Variants in NUP214 observed in about 807,000 individuals in gnomAD.
NUP214 encodes nucleoporin 214.
In NUP214, 79 loss-of-function variants were observed where a neutral mutation model predicts 196.2. The observed-to-expected ratio is 0.40, with a 90% CI of 0.34 to 0.49. The LOEUF (loss-of-function observed/expected upper bound fraction) is 0.49. NUP214 is among the 20% of genes least tolerant of loss of function. The pLI is 0.58. For missense variants in NUP214, 2,468 were observed against 2,539.0 expected (o/e 0.97, Z 0.60); for synonymous variants, 1,020 against 990.5 (o/e 1.03, Z -0.56).
Position 131,195,233 on chromosome 9 carries a change from G to T in NUP214, c.3660G>T (p.Gly1220=). 4 of 1,609,260 alleles carry T rather than the reference G, an allele frequency of 2.5e-6. No individual in the cohort carries two copies. The highest frequency in any genetic ancestry group is 2.5e-6 in the Non-Finnish European group (3 of 1,176,546). The change falls in exon 28 of 36, where the codon GGG becomes GGT. Residue 1220 remains glycine (G), a splice_region_variant and synonymous_variant. Transcript: ENST00000359428. The stretch of plus-strand genomic sequence containing the variant: ...TAATTTCTCTTTTTCCACTTGTTAG[G>T]ACTGGCTTTAATTTTGGGATAATCA... ...FSKPFSFSPS[G]TGFNFGIITP... is the part of the protein sequence containing the mutation.
At position 131,159,467 on chromosome 9, in the gene NUP214, G is replaced by C; in HGVS notation, c.2521G>C (p.Glu841Gln). 1.9e-6 allele frequency: 3 copies of C among 1,613,244 alleles called. No homozygotes were observed. Among genetic ancestry groups the C allele is most frequent in the Non-Finnish European group, 2.5e-6 (3 of 1,179,388 alleles). ...VLDLEWDQHLEQKKKQRHLLV... is the reference protein window; with the variant it reads ...VLDLEWDQHLQQKKKQRHLLV... The stretch of plus-strand genomic sequence containing the variant: ...AGACTTGGAGTGGGATCAGCATCTG[G>C]AACAAAAGAAAAAACAAAGGTGAAT... Residue 841 changes from glutamate to glutamine, a missense_variant, in exon 18 of 36, where the codon GAA becomes CAA. Coordinates refer to ENST00000359428, the MANE Select transcript of NUP214 (RefSeq NM_005085.4).
intron 12 of NUP214, 114 bp downstream of exon 12, chr9:131,144,868 A>T: frequency 2.4e-6 from 2 of 818,106 alleles, no homozygotes; most frequent in Non-Finnish European, 3.8e-6. Context: ...TTTTTTACCC[A>T]GAGTGATACT....
chr9:131,229,194 G>A (rs989793185), intron 33 of NUP214: 1 of 153,534 alleles, frequency 6.5e-6, no homozygotes, highest in African/African-American at 2.4e-5. Flanking sequence ...TCTTTATCTT[G>A]AAAATAAACT....
At chr9:131,137,304 A>T (rs1021074765) in intron 9 of NUP214, among the ~76,000 whole-genome samples, 2 of 152,112 alleles carry the variant, frequency 1.3e-5, no homozygotes, top group African/African-American at 4.8e-5. Flanking sequence ...TCTAGAGGGG[A>T]CTGTTTTTAA....
chr9:131,201,601 ACTCAT>A (rs1164837675), intron 29 of NUP214, 41 bp from the exon 30 acceptor site: 17 of 1,414,782 alleles, frequency 1.2e-5, no homozygotes, highest in South Asian at 2.3e-5. Flanking sequence ...GTTGTAAAAG[ACTCAT>A]CCAATCCAAA....
chr9:131,153,215 A>G (rs1832325887), intron 17 of NUP214: 1 of 152,080 alleles, frequency 6.6e-6, no homozygotes, highest in Non-Finnish European at 1.5e-5. Context: ...GGAAGCGTTC[A>G]CTGGCATCTC....
intron 4 of NUP214, among the ~76,000 whole-genome samples, chr9:131,130,141 T>TTC: frequency 9.7e-6 from 1 of 103,538 alleles, no homozygotes; most frequent in East Asian, 2.9e-4. Context: ...GGTTTTGTTT[T>TTC]TTTTTTTTTG....
At chr9:131,128,574 C>T (rs1831435636) in intron 3 of NUP214, 91 bp downstream of exon 3, 3 of 1,134,194 alleles carry the variant, frequency 2.6e-6, no homozygotes, top group Non-Finnish European at 3.6e-6. Flanking sequence ...ATAGGTTAAC[C>T]CTTGAAGTTT....
In NUP214 at chr9:131,232,443, G is replaced by T. The variant is rs1431160690; in HGVS notation, c.6239+135G>T. On this transcript the variant is annotated intron_variant, in intron 35 of 35. Coordinates refer to ENST00000359428, the MANE Select transcript of NUP214 (RefSeq NM_005085.4). This position sits in a 1 kb window ranked among gnomAD's most constrained non-coding sequence, Gnocchi z 5.1. Reference sequence around the variant, plus strand: ...TAGAGTTTGTCCTGGAAGTGTGGGGGTTCAGCAGCAGGGTTTGGGTTTTGT... The same window carrying T: ...TAGAGTTTGTCCTGGAAGTGTGGGGTTTCAGCAGCAGGGTTTGGGTTTTGT... 1.2e-5 allele frequency: 11 copies of T among 909,672 alleles called. No homozygotes were observed. The highest frequency in any genetic ancestry group is 1.9e-5 in the Admixed American group (1 of 51,494). 56.4% of individuals were successfully genotyped at this position (909,672 alleles called of 1,614,324 possible).
At chr9:131,202,120 CA>C (rs1343840732) in intron 30 of NUP214, among the ~76,000 whole-genome samples, 2 of 152,100 alleles carry the variant, frequency 1.3e-5, no homozygotes, top group Non-Finnish European at 2.9e-5. Flanking sequence ...TGCACCATAA[CA>C]CTCAACTAAT....
At chr9:131,174,409 A>T in intron 22 of NUP214, 91 bp downstream of exon 22, 1 of 1,213,638 alleles carries the variant, frequency 8.2e-7, no homozygotes, top group Non-Finnish European at 1.1e-6. Flanking sequence ...TGTCACACCA[A>T]TATGGTGGTT....
intron 26 of NUP214, chr9:131,190,678 A>G (rs961356659): frequency 1.4e-5 from 7 of 517,274 alleles, no homozygotes; most frequent in African/African-American, 5.9e-5. Context: ...GAAAAAGCCT[A>G]TGGTGTAGAG....
rs572823626 is a variant in NUP214, at chr9:131,170,897, G to A, written c.2894-3158G>A. On this transcript the variant is annotated intron_variant, in intron 21 of 35. Coordinates refer to ENST00000359428, the MANE Select transcript of NUP214 (RefSeq NM_005085.4). ...GTGTAGCTCTCCTTGATCTCAAAAG[G>A]AGCACTTTCTATAGTTCATCCTAAG... Among the ~76,000 whole-genome samples the A allele has an allele frequency of 2.0e-5, 3 of 151,900 alleles. No homozygotes were observed. In the East Asian group the frequency reaches 5.8e-4, roughly 29 times the overall value.
At chr9:131,231,578 A>G (rs1268545862) in intron 34 of NUP214, among the ~76,000 whole-genome samples, 2 of 151,856 alleles carry the variant, frequency 1.3e-5, no homozygotes, top group African/African-American at 4.8e-5. Context: ...GAGAAGCCCA[A>G]AATAATAATG....
intron 6 of NUP214, 56 bp downstream of exon 6, chr9:131,132,715 AG>A: frequency 6.9e-7 from 1 of 1,451,088 alleles, no homozygotes; most frequent in East Asian, 2.3e-5. Flanking sequence ...TGTATATTAC[AG>A]AAATTCAAAA....
chr9:131,151,675 C>G, intron 16 of NUP214, 61 bp from the exon 17 acceptor site: 1 of 1,368,568 alleles, frequency 7.3e-7, no homozygotes, highest in Non-Finnish European at 1.0e-6. Flanking sequence ...TTCCTTGATC[C>G]AAACAGAAAG....
At chr9:131,142,165 G>C (rs1334522314) in intron 11 of NUP214, among the ~76,000 whole-genome samples, 2 of 152,148 alleles carry the variant, frequency 1.3e-5, no homozygotes, top group African/African-American at 2.4e-5. Context: ...CCATGAATAA[G>C]GGTACCATGA....
chr9:131,161,986 T>TA (rs1431445198), intron 18 of NUP214, among the ~76,000 whole-genome samples: 1 of 152,222 alleles, frequency 6.6e-6, no homozygotes, highest in Non-Finnish European at 1.5e-5. Flanking sequence ...TTCGTAAACT[T>TA]TCTTAAAACA....
In NUP214 at chr9:131,215,233, A is replaced by G. The variant is rs769923401; in HGVS notation, c.5614A>G (p.Ser1872Gly). 1.9e-6 allele frequency: 3 copies of G among 1,567,136 alleles called. No individual in the cohort carries two copies. Among genetic ancestry groups the G allele is most frequent in the Non-Finnish European group, 2.6e-6 (3 of 1,159,456 alleles). The change falls in exon 31 of 36, where the codon AGC (serine) becomes GGC (glycine). Residue 1872 changes from serine (S) to glycine (G), a missense_variant. Physicochemically the swap from Ser to Gly is moderately conservative, Grantham distance 56 (BLOSUM62 0). Transcript: ENST00000359428. The part of the protein sequence containing the change: ...FGQQSSSSSG[S>G]VFGSGNTGRG... ...TTAGCAATCATCCTCTTCCAGTGGT[A>G]GCGTGTTTGGGTCTGGAAACACTGG...
Sources: allele counts gnomAD v4.1 joint callset (sites outside exome capture counted in the v4.1 genomes callset), GRCh38; gene constraint gnomAD v4.1.1; non-coding constraint Gnocchi (gnomAD v3.1); transcripts MANE v1.5; gene names NCBI Gene and HGNC (gene_info 2026-07-23, HGNC 2026-07-21).